The following ANO2 variants were observed in gnomAD, a reference collection of about 807,000 sequenced individuals.
The protein encoded by ANO2 is anoctamin 2.
ANO2 carries 101 observed loss-of-function variants against 124.2 expected under a neutral mutation model. That is an observed-to-expected ratio of 0.81 (90% CI 0.69 to 0.96). The LOEUF is 0.96. ANO2 is among the 40% of genes least tolerant of loss of function. ANO2 has a pLI of 0.00. For missense variants in ANO2, 1,293 were observed against 1,274.5 expected (o/e 1.01, Z -0.22); for synonymous variants, 486 against 482.5 (o/e 1.01, Z -0.09).
At chr12:5,728,271 A>C (rs1950518803) in intron 14 of ANO2, among the ~76,000 whole-genome samples, 1 of 152,222 alleles carries the variant, frequency 6.6e-6, no homozygotes, top group African/African-American at 2.4e-5. Flanking sequence ...GAATCCATTA[A>C]AAATTATTAG....
At chr12:5,821,940 C>A (rs1953812749) in intron 7 of ANO2, among the ~76,000 whole-genome samples, 1 of 152,204 alleles carries the variant, frequency 6.6e-6, no homozygotes, top group African/African-American at 2.4e-5. Flanking sequence ...CTTCCCCAGT[C>A]TACACCAATG....
At chr12:5,579,090 C>T (rs1342349255) in intron 20 of ANO2, among the ~76,000 whole-genome samples, 2 of 152,232 alleles carry the variant, frequency 1.3e-5, no homozygotes, top group Non-Finnish European at 2.9e-5. Context: ...CAGATTTGGA[C>T]TCTTCTTTCC....
At chr12:5,755,456 G>A (rs551168087) in intron 10 of ANO2, among the ~76,000 whole-genome samples, 2 of 151,466 alleles carry the variant, frequency 1.3e-5, no homozygotes, top group Admixed American at 6.6e-5. Context: ...TGCACAACGT[G>A]CAGGTTTGTT....
chr12:5,852,899 TGAGAGA>T (rs141571472), intron 4 of ANO2, among the ~76,000 whole-genome samples: 1 of 141,844 alleles, frequency 7.1e-6, no homozygotes, highest in South Asian at 2.2e-4. Context: ...GTGGTGTATA[TGAGAGA>T]GAGAGAGAGA....
intron 1 of ANO2, among the ~76,000 whole-genome samples, chr12:5,930,336 C>T (rs559358637): frequency 1.3e-5 from 2 of 152,248 alleles, no homozygotes; most frequent in African/African-American, 4.8e-5. Context: ...CCCACCCCAA[C>T]CTCCCAAAGA....
intron 7 of ANO2, among the ~76,000 whole-genome samples, chr12:5,820,275 T>A (rs899432817): frequency 5.3e-5 from 8 of 152,098 alleles, no homozygotes; most frequent in African/African-American, 1.9e-4. Context: ...TGCATTGGGG[T>A]AACTGTGCAT....
intron 20 of ANO2, among the ~76,000 whole-genome samples, chr12:5,585,311 G>T (rs1238737750): frequency 6.6e-6 from 1 of 152,134 alleles, no homozygotes; most frequent in African/African-American, 2.4e-5. Flanking sequence ...GTCACCTGGG[G>T]GTTTACACAA....
chr12:5,682,365 G>C (rs78293895), intron 14 of ANO2, among the ~76,000 whole-genome samples: 1,664 of 147,644 alleles, frequency 0.011, 30 homozygotes, highest in African/African-American at 0.038. Flanking sequence ...CTCTCTGTCT[G>C]TCTCTCTCTC....
chr12:5,639,522 G>A (rs1459308884), intron 15 of ANO2, among the ~76,000 whole-genome samples: 1 of 152,188 alleles, frequency 6.6e-6, no homozygotes. Context: ...GACAAAGAAG[G>A]CAAACAGGGT....
intron 14 of ANO2, among the ~76,000 whole-genome samples, chr12:5,688,751 C>T (rs1189572895): frequency 6.6e-6 from 1 of 151,734 alleles, no homozygotes; most frequent in African/African-American, 2.4e-5. Flanking sequence ...GTGCCTCTAA[C>T]TCAGGCCTTC....
At chr12:5,931,180 G>T (rs1425974375) in intron 1 of ANO2, among the ~76,000 whole-genome samples, 1 of 152,124 alleles carries the variant, frequency 6.6e-6, no homozygotes, top group East Asian at 1.9e-4. Context: ...TGACATACAG[G>T]GTCTTTCATG....
chr12:5,928,614 C>T (rs1158493790), intron 1 of ANO2, among the ~76,000 whole-genome samples: 1 of 147,640 alleles, frequency 6.8e-6, no homozygotes, highest in African/African-American at 2.5e-5. Context: ...CCTTACTCGT[C>T]TACCTTCTTT....
intron 14 of ANO2, among the ~76,000 whole-genome samples, chr12:5,681,614 C>A (rs779469511): frequency 5.9e-5 from 9 of 152,208 alleles, no homozygotes; most frequent in Non-Finnish European, 1.0e-4. Context: ...AGTTAATGAA[C>A]AAATGCCCTA....
At chr12:5,587,279 G>A (rs1382496492) in intron 20 of ANO2, among the ~76,000 whole-genome samples, 2 of 152,218 alleles carry the variant, frequency 1.3e-5, no homozygotes, top group East Asian at 3.8e-4. Flanking sequence ...GTCTTCAGGT[G>A]AGAAGAACTG....
chr12:5,653,779 T>C (rs368604752), intron 14 of ANO2, among the ~76,000 whole-genome samples: 1 of 152,002 alleles, frequency 6.6e-6, no homozygotes, highest in Non-Finnish European at 1.5e-5. Context: ...CATGGAAACA[T>C]AGAGGAGGGA....
At chr12:5,571,271 C>T (rs2136829072) in intron 23 of ANO2, among the ~76,000 whole-genome samples, 1 of 152,354 alleles carries the variant, frequency 6.6e-6, no homozygotes, top group East Asian at 1.9e-4. Flanking sequence ...CCCTTCGACC[C>T]TGTCAAATGC....
At chr12:5,597,268 G>A (rs948367371) in intron 20 of ANO2, among the ~76,000 whole-genome samples, 1 of 151,786 alleles carries the variant, frequency 6.6e-6, no homozygotes, top group African/African-American at 2.4e-5. Flanking sequence ...CCCTCTGATG[G>A]GCCCCAGTGT....
intron 20 of ANO2, among the ~76,000 whole-genome samples, chr12:5,587,181 G>A (rs1293483825): frequency 6.6e-6 from 1 of 152,212 alleles, no homozygotes; most frequent in Admixed American, 6.5e-5. Flanking sequence ...AGGCCTTGTG[G>A]TGAAGTGCTG....
chr12:5,719,153 A>C (rs12298818), intron 14 of ANO2, among the ~76,000 whole-genome samples: 33,679 of 152,148 alleles, frequency 0.22, 3,949 homozygotes, highest in Middle Eastern at 0.27. Flanking sequence ...CAAATTCCCT[A>C]AAAGCTTACC....
Sources: gnomAD v4.1 joint callset for allele counts (sites outside exome capture counted in the v4.1 genomes callset) on GRCh38, gnomAD v4.1.1 for gene constraint, MANE v1.5 for transcripts, NCBI Gene and HGNC (gene_info 2026-07-23, HGNC 2026-07-21) for gene names.